The following MYCT1 variants were observed in gnomAD, a reference collection of about 807,000 sequenced individuals.
The protein encoded by MYCT1 is MYC target 1, also known as myc target protein 1.
A neutral mutation model predicts 15.0 loss-of-function variants in MYCT1; 12 were observed. The observed-to-expected ratio is 0.80, with a 90% confidence interval of 0.51 to 1.29. The LOEUF (loss-of-function observed/expected upper bound fraction) is 1.29, where lower values mean the gene tolerates loss of function less well. MYCT1 is among the 50% of genes most tolerant of loss of function. The pLI is 0.00. For missense variants in MYCT1, 287 were observed against 279.1 expected, an observed-to-expected ratio of 1.03 and a Z score of -0.20; for synonymous variants, 104 against 102.7, an observed-to-expected ratio of 1.01 and a Z score of -0.07.
chr6:152,713,670 G>A (rs551737356), intron 1 of MYCT1, among the ~76,000 whole-genome samples: 7 of 152,132 alleles, frequency 4.6e-5, no homozygotes, highest in African/African-American at 7.2e-5. Context: ...TACATCCCAC[G>A]TATGTGTGAT....
At chr6:152,709,339 T>G (rs1263793965) in intron 1 of MYCT1, among the ~76,000 whole-genome samples, 1 of 25,000 alleles carries the variant, frequency 4.0e-5, no homozygotes, top group Non-Finnish European at 8.2e-5. Context: ...TGTGTCTTTA[T>G]AGCAGCATGA....
the MYCT1 span, among the ~76,000 whole-genome samples, chr6:152,737,630 C>G: frequency 6.6e-6 from 1 of 152,070 alleles, no homozygotes; most frequent in African/African-American, 2.4e-5. Flanking sequence ...AGGTGGGGAA[C>G]AAGGCATCAT....
chr6:152,706,845 A>ATGTGTGTGTGTGTGTGTGTGTG (rs1019981760), intron 1 of MYCT1, among the ~76,000 whole-genome samples: 1 of 119,964 alleles, frequency 8.3e-6, no homozygotes, highest in African/African-American at 3.8e-5. Flanking sequence ...TAGAAACCAT[A>ATGTGTGTGTGTGTGTGTGTGTG]TATGTGTGTG....
At position 152,714,706 on chromosome 6, in the gene MYCT1, A is replaced by G. The variant is rs185688089; in HGVS notation, c.197-7036A>G. On this transcript the variant is annotated intron_variant, in intron 1 of 1. Coordinates refer to ENST00000367245, the MANE Select transcript of MYCT1 (RefSeq NM_025107.3). ...ATTCAAATATTTTCATAACTTACAG[A>G]TATTTTTCCATTTTCTATTTGTTCT... Among the ~76,000 whole-genome samples, 184 of 151,514 alleles carry G rather than the reference A, an allele frequency of 1.2e-3. 1 individual carries two copies. The Middle Eastern group carries it at 0.017, about 14-fold the overall frequency.
At chr6:152,707,360 T>G (rs919181398) in intron 1 of MYCT1, among the ~76,000 whole-genome samples, 2 of 152,108 alleles carry the variant, frequency 1.3e-5, no homozygotes, top group Non-Finnish European at 2.9e-5. Flanking sequence ...TTATTTGTTT[T>G]CTTGCTTTTG....
chr6:152,739,203 A>G, the MYCT1 span, among the ~76,000 whole-genome samples: 7 of 151,750 alleles, frequency 4.6e-5, no homozygotes, highest in African/African-American at 7.2e-5. Context: ...AAAAAAGCCT[A>G]CATTATTTTA....
intron 1 of MYCT1, among the ~76,000 whole-genome samples, chr6:152,716,156 T>C (rs1285454358): frequency 6.6e-6 from 1 of 152,148 alleles, no homozygotes; most frequent in Non-Finnish European, 1.5e-5. Context: ...TAGTGAGAAG[T>C]TGAATTCTGG....
the MYCT1 span, among the ~76,000 whole-genome samples, chr6:152,744,481 G>C: frequency 6.6e-6 from 1 of 151,930 alleles, no homozygotes; most frequent in Admixed American, 6.6e-5. Context: ...TTAATAAAGA[G>C]GTAGAATTGA....
intron 1 of MYCT1, 135 bp from the exon 2 acceptor site, chr6:152,721,607 G>C: frequency 1.3e-6 from 1 of 792,150 alleles, no homozygotes; most frequent in Non-Finnish European, 2.0e-6. Flanking sequence ...ACCTAACACT[G>C]TCTTCTATTT....
intron 1 of MYCT1, among the ~76,000 whole-genome samples, chr6:152,702,175 C>A (rs2099721438): frequency 6.6e-6 from 1 of 152,140 alleles, no homozygotes; most frequent in African/African-American, 2.4e-5. Flanking sequence ...CTTTGTCTCC[C>A]CAAAGCTCCT....
chr6:152,718,322 G>A (rs940985680), intron 1 of MYCT1, among the ~76,000 whole-genome samples: 11 of 152,002 alleles, frequency 7.2e-5, no homozygotes, highest in Admixed American at 3.9e-4. Context: ...AATGTATTTT[G>A]GAAATAAAAC....
chr6:152,739,621 T>C, the MYCT1 span, among the ~76,000 whole-genome samples: 2,651 of 152,180 alleles, frequency 0.017, 67 homozygotes, highest in African/African-American at 0.06. Context: ...ATGAATTTTC[T>C]ATTCATATCG....
At position 152,722,643 on chromosome 6, in the gene MYCT1, C is replaced by G. The variant is rs949665651; in HGVS notation, c.*390C>G. On this transcript the variant is annotated 3_prime_UTR_variant, in exon 2 of 2. Coordinates refer to ENST00000367245, the MANE Select transcript of MYCT1 (RefSeq NM_025107.3). ...GTGACTAAAAAGAGAAAAAAAATCA[C>G]TGTGTCACTTTAAAGAAAAATCTTC... 1 of 233,704 alleles carries G rather than the reference C, an allele frequency of 4.3e-6. No homozygotes were observed. 14.5% of individuals were successfully genotyped at this position (233,704 alleles called of 1,614,324 possible).
the MYCT1 span, among the ~76,000 whole-genome samples, chr6:152,738,629 T>C: frequency 6.6e-6 from 1 of 152,110 alleles, no homozygotes; most frequent in Non-Finnish European, 1.5e-5. Context: ...GCTTACTTCA[T>C]AGAGTTGTTG....
In MYCT1 at chr6:152,698,004, T is replaced by G; in HGVS notation, c.102T>G (p.Phe34Leu). ...TGCTTTTTTTCGACATACTGGTTTT[T>G]CTTTCTGTTTTTCTTCTCTTTCTTC... Reference protein sequence around the residue: ...IKLLFFDILVFLSVFLLFLLF... With the variant: ...IKLLFFDILVLLSVFLLFLLF... The change falls in exon 1 of 2, where the codon TTT (phenylalanine) becomes TTG (leucine). Residue 34 changes from phenylalanine (F) to leucine (L), a missense_variant. Transcript: ENST00000367245. 6.2e-7 allele frequency: 1 copy of G among 1,610,660 alleles called. No individual in the cohort carries two copies.
the MYCT1 span, among the ~76,000 whole-genome samples, chr6:152,742,115 G>A: frequency 6.6e-6 from 1 of 152,192 alleles, no homozygotes; most frequent in Non-Finnish European, 1.5e-5. Context: ...CATGCTAAAA[G>A]TGTCTGGCGA....
rs149155653 is a variant in MYCT1, at chr6:152,704,753, T to G, written c.196+6655T>G. ...ATAATTGGCAAATAAAAACAATATA[T>G]TTAAGGTGTCCAACATGATATTTTG... is the stretch of plus-strand genomic sequence containing the variant. On this transcript the variant is annotated intron_variant, in intron 1 of 1. Coordinates refer to ENST00000367245, the MANE Select transcript of MYCT1 (RefSeq NM_025107.3). Among the ~76,000 whole-genome samples the G allele has an allele frequency of 1.4e-3, 214 of 152,282 alleles. 2 individuals carry two copies. Among genetic ancestry groups the G allele is most frequent in the African/African-American group, 4.7e-3 (197 of 41,564 alleles).
the MYCT1 span, among the ~76,000 whole-genome samples, chr6:152,734,018 A>G: frequency 4.6e-5 from 7 of 152,050 alleles, no homozygotes; most frequent in Non-Finnish European, 1.0e-4. Context: ...GTCTACTGGC[A>G]CAAAGAGCCA....
chr6:152,726,422 C>T (rs1269337258), downstream of MYCT1, among the ~76,000 whole-genome samples: 1 of 147,686 alleles, frequency 6.8e-6, no homozygotes, highest in Non-Finnish European at 1.5e-5. Flanking sequence ...AAGAGAATGG[C>T]TGATGATAAA....
Sources: allele counts gnomAD v4.1 joint callset (sites outside exome capture counted in the v4.1 genomes callset), GRCh38; gene constraint gnomAD v4.1.1; transcripts MANE v1.5; gene names NCBI Gene and HGNC (gene_info 2026-07-23, HGNC 2026-07-21).